The following REXO1 variants were observed in gnomAD, a reference collection of about 807,000 sequenced individuals.
REXO1 encodes the protein REX1, RNA exonuclease 1 homolog.
A neutral mutation model predicts 102.6 loss-of-function variants in REXO1; 42 were observed. The ratio of observed to expected loss-of-function variants is 0.41; its 90% confidence interval spans 0.32 to 0.53. REXO1 has a LOEUF of 0.53. Among genes scored for constraint, REXO1 ranks in the 20% least tolerant of loss-of-function variants. The pLI, the probability that REXO1 is intolerant of heterozygous loss-of-function variation, is 0.27. For missense variants in REXO1, 1,819 were observed against 1,732.5 expected (o/e 1.05, Z -0.89); for synonymous variants, 908 against 779.1 (o/e 1.17, Z -2.76).
intron 1 of REXO1, among the ~76,000 whole-genome samples, chr19:1,841,827 C>T (rs1599172143): frequency 6.6e-6 from 1 of 152,184 alleles, no homozygotes; most frequent in East Asian, 1.9e-4. Flanking sequence ...TCTGCCTCTC[C>T]CATCTCAGGC....
At position 1,834,986 on chromosome 19, in the gene REXO1, C is replaced by T. The variant is rs546281110; in HGVS notation, c.158-6355G>A. The T allele has an allele frequency of 2.5e-5, 11 of 432,832 alleles. 1 individual carries two copies. The East Asian group carries it at 4.8e-4, about 19-fold the overall frequency. 26.8% of individuals were successfully genotyped at this position (432,832 alleles called of 1,614,324 possible). On this transcript the variant is annotated intron_variant, in intron 1 of 15. Transcript: ENST00000170168. Reference sequence around the variant, plus strand: ...CTGGAAGGCAGCATCCTGGCCTGGGCGCTCCAGCCAGGTCTGGAAGTTTCA... The same window carrying T: ...CTGGAAGGCAGCATCCTGGCCTGGGTGCTCCAGCCAGGTCTGGAAGTTTCA...
Position 1,838,107 on chromosome 19 carries a change from G to C in REXO1, c.158-9476C>G, listed in dbSNP as rs560424002. On this transcript the variant is annotated intron_variant, in intron 1 of 15. Transcript: ENST00000170168. ...GGCCGAGGCAGGTGGATGATTTGAG[G>C]TGAGGAGTTTGAGACCAGCCTGGCC... Among the ~76,000 whole-genome samples the C allele has an allele frequency of 7.2e-5, 11 of 152,130 alleles. No individual in the cohort carries two copies. In the South Asian group the frequency reaches 2.3e-3, roughly 32 times the overall value.
At chr19:1,821,398 C>T (rs540147274) in intron 5 of REXO1, 121 bp downstream of exon 5, 20 of 1,108,612 alleles carry the variant, frequency 1.8e-5, no homozygotes, top group South Asian at 5.3e-5. Flanking sequence ...GGCTGTACTG[C>T]GGTGTGGAGC....
chr19:1,837,592 C>T (rs993649233), intron 1 of REXO1, among the ~76,000 whole-genome samples: 1 of 152,170 alleles, frequency 6.6e-6, no homozygotes, highest in Non-Finnish European at 1.5e-5. Context: ...CTCTGCCCCA[C>T]CCCCCACACC....
At chr19:1,845,771 A>C (rs1411354493) in intron 1 of REXO1, among the ~76,000 whole-genome samples, 1 of 152,146 alleles carries the variant, frequency 6.6e-6, no homozygotes, top group Admixed American at 6.5e-5. Flanking sequence ...TGACCCGCTG[A>C]GCCTGTGACC....
At position 1,820,539 on chromosome 19, in the gene REXO1, A is replaced by G. The variant is rs927172894; in HGVS notation, c.2395-144T>C. 3.2e-6 allele frequency: 3 copies of G among 923,494 alleles called. No individual in the cohort carries two copies. The African/African-American group carries it at 5.0e-5, about 16-fold the overall frequency. 57.2% of individuals were successfully genotyped at this position (923,494 alleles called of 1,614,324 possible). A position where few individuals can be genotyped will look rare whatever the true frequency, so the allele number is the denominator to read the frequency against. ...ATCAGCCTGGCTGCAGTAGGGACAG[A>G]CACGCCAAGGCAAGACAGGAGCAGC... On this transcript the variant is annotated intron_variant, in intron 5 of 15. Coordinates refer to ENST00000170168, the MANE Select transcript of REXO1 (RefSeq NM_020695.4).
rs1368431351 is a variant in REXO1, at chr19:1,826,791, C to A, written c.1911+87G>T. ...CCTCCACCCCGTGCCTCCGAGCCAA[C>A]TGGAAACCACTCCAGATAGAAGGTC... On this transcript the variant is annotated intron_variant, in intron 2 of 15. Transcript: ENST00000170168. This position sits in a 1 kb window ranked among gnomAD's most constrained non-coding sequence, Gnocchi z 4.3. 5.9e-6 allele frequency: 9 copies of A among 1,513,232 alleles called. No individual in the cohort carries two copies. Among genetic ancestry groups the A allele is most frequent in the African/African-American group, 1.4e-5 (1 of 70,862 alleles). The allele number at this position is 1,513,232 out of a possible 1,614,324, so 93.7% of individuals were successfully genotyped here.
In REXO1 at chr19:1,817,248, G is replaced by A. The variant is rs530871935; in HGVS notation, c.3172C>T (p.Pro1058Ser). Residue 1058 changes from proline (P) to serine (S), a missense_variant, in exon 12 of 16, where the codon CCG becomes TCG. Coordinates refer to ENST00000170168, the MANE Select transcript of REXO1 (RefSeq NM_020695.4). Reference protein sequence around the residue: ...FEKELSGDTHPGIYALDCEMS... With the variant: ...FEKELSGDTHSGIYALDCEMS... ...TCGCAGTCCAGGGCGTAGATCCCCG[G>A]GTGGGTGTCTCCTGAGAGCTCTTTC... 2 of 1,613,058 alleles carry A rather than the reference G, an allele frequency of 1.2e-6. 1 individual carries two copies. Among genetic ancestry groups the A allele is most frequent in the South Asian group, 2.2e-5 (2 of 91,076 alleles).
intron 10 of REXO1, 125 bp from the exon 11 acceptor site, chr19:1,817,905 C>G: frequency 1.4e-6 from 1 of 724,628 alleles, no homozygotes; most frequent in Non-Finnish European, 2.3e-6. Flanking sequence ...AGGCCTCAGC[C>G]TCTTGGTGGA....
chr19:1,834,425 T>G (rs2069984260), intron 1 of REXO1, among the ~76,000 whole-genome samples: 1 of 152,010 alleles, frequency 6.6e-6, no homozygotes, highest in Non-Finnish European at 1.5e-5. Context: ...TGTGAGTACT[T>G]GTTTTGTTGT....
rs369983700 is a variant in REXO1 at position 1,820,374 on chromosome 19, G to C, written c.2416C>G (p.Pro806Ala). The C allele has an allele frequency of 6.2e-7, 1 of 1,613,514 alleles. No homozygotes were observed. The highest frequency in any genetic ancestry group is 8.5e-7 in the Non-Finnish European group (1 of 1,179,900). ...GGGACTTTGCCCCCAAACTCTTTGGGGATAATGGGTTTCTTTAAACTCTAG... is the reference window on the plus strand; with the variant it reads ...GGGACTTTGCCCCCAAACTCTTTGGCGATAATGGGTTTCTTTAAACTCTAG... ...SLQSLKKPII[P>A]KEFGGKVPTV... The change falls in exon 6 of 16, where the codon CCC becomes GCC. Residue 806 changes from proline (P) to alanine (A), a missense_variant. Pro to Ala is a conservative substitution (Grantham distance 27, BLOSUM62 -1). Coordinates refer to ENST00000170168, the MANE Select transcript of REXO1 (RefSeq NM_020695.4).
chr19:1,847,267 C>T (rs2011584924), intron 1 of REXO1, among the ~76,000 whole-genome samples: 1 of 152,168 alleles, frequency 6.6e-6, no homozygotes, highest in Non-Finnish European at 1.5e-5. Context: ...GAAAATAAAC[C>T]TATTCTTAAA....
intron 12 of REXO1, 74 bp from the exon 13 acceptor site, chr19:1,816,887 G>T: frequency 8.7e-7 from 1 of 1,142,884 alleles, no homozygotes; most frequent in Non-Finnish European, 1.3e-6. Flanking sequence ...GCCCCTTTGA[G>T]TCTCCAGAGC....
intron 1 of REXO1, among the ~76,000 whole-genome samples, chr19:1,841,311 C>T (rs1382552449): frequency 2.6e-5 from 4 of 152,244 alleles, no homozygotes; most frequent in East Asian, 1.9e-4. Context: ...CACGGCCGGG[C>T]GCACCCAGCG....
chr19:1,820,201 T>A, intron 6 of REXO1, 63 bp downstream of exon 6: 1 of 1,568,422 alleles, frequency 6.4e-7, no homozygotes. Context: ...GGGGGATGTC[T>A]GGGGACCACC....
rs775595657 is a variant in REXO1, at chr19:1,827,680, C to T, written c.1109G>A (p.Cys370Tyr). The change falls in exon 2 of 16, where the codon TGC becomes TAC. Residue 370 changes from cysteine to tyrosine, a missense_variant. By Grantham distance (194) the Cys-to-Tyr change is radical. Transcript: ENST00000170168. ...CTTCTTGGGTTTTCCCTCCTTGGGG[C>T]AGCCCCCATCCTGTGAGGACTGGAC... Reference protein sequence around the residue: ...AQVQSSQDGGCPKEGKPKKKK... With the variant: ...AQVQSSQDGGYPKEGKPKKKK... 8.9e-6 allele frequency: 14 copies of T among 1,566,546 alleles called. No homozygotes were observed. The highest frequency in any genetic ancestry group is 1.4e-5 in the African/African-American group (1 of 72,346).
chr19:1,845,035 G>T (rs905692101), intron 1 of REXO1, among the ~76,000 whole-genome samples: 20 of 152,194 alleles, frequency 1.3e-4, no homozygotes, highest in Non-Finnish European at 8.8e-5. Flanking sequence ...CTCTCAGTAG[G>T]ACACAGACTC....
At chr19:1,844,733 G>C (rs1250141102) in intron 1 of REXO1, among the ~76,000 whole-genome samples, 1 of 152,236 alleles carries the variant, frequency 6.6e-6, no homozygotes, top group Non-Finnish European at 1.5e-5. Context: ...CCGAGGGCAG[G>C]AGCTGTGCGC....
At chr19:1,837,719 G>A (rs752805205) in intron 1 of REXO1, among the ~76,000 whole-genome samples, 6 of 152,182 alleles carry the variant, frequency 3.9e-5, no homozygotes, top group Admixed American at 6.5e-5. Flanking sequence ...GCTGCGATCC[G>A]AGCCTCCCCT....
Sources: allele counts gnomAD v4.1 joint callset (sites outside exome capture counted in the v4.1 genomes callset), GRCh38; gene constraint gnomAD v4.1.1; non-coding constraint Gnocchi (gnomAD v3.1); transcripts MANE v1.5; gene names NCBI Gene and HGNC (gene_info 2026-07-23, HGNC 2026-07-21).